POFUT3: variants seen among roughly 807,000 people sequenced by gnomAD.
POFUT3 encodes the protein GDP-fucose protein O-fucosyltransferase 3.
At chr8:33,311,758 A>G in the POFUT3 span, among the ~76,000 whole-genome samples, 4 of 152,112 alleles carry the variant, frequency 2.6e-5, no homozygotes, top group Non-Finnish European at 2.9e-5. Context: ...AGGAAAATTC[A>G]TTCATTCAAG....
the POFUT3 span, among the ~76,000 whole-genome samples, chr8:33,466,253 C>T: frequency 3.3e-5 from 5 of 151,658 alleles, no homozygotes; most frequent in Non-Finnish European, 7.4e-5. Context: ...TCCGTCTCTA[C>T]AAAAAAAATT....
chr8:33,452,017 A>T, the POFUT3 span: 1 of 152,026 alleles, frequency 6.6e-6, no homozygotes, highest in Admixed American at 6.6e-5. Context: ...TCAAGATGAG[A>T]TTTTGGGTGG....
the POFUT3 span, among the ~76,000 whole-genome samples, chr8:33,460,256 A>T: frequency 6.6e-6 from 1 of 151,564 alleles, no homozygotes; most frequent in Non-Finnish European, 1.5e-5. Flanking sequence ...GGAGATGCTG[A>T]GGTAGGAGGA....
chr8:33,425,458 G>A, the POFUT3 span, among the ~76,000 whole-genome samples: 1 of 152,144 alleles, frequency 6.6e-6, no homozygotes, highest in African/African-American at 2.4e-5. Context: ...ATTGAAGGAT[G>A]AGTGGAATAA....
At chr8:33,395,695 G>A in the POFUT3 span, among the ~76,000 whole-genome samples, 1 of 152,068 alleles carries the variant, frequency 6.6e-6, no homozygotes, top group Non-Finnish European at 1.5e-5. Context: ...AGCCATCCAC[G>A]GACGACAAGT....
chr8:33,346,134 T>A, the POFUT3 span, among the ~76,000 whole-genome samples: 1 of 143,952 alleles, frequency 6.9e-6, no homozygotes, highest in Non-Finnish European at 1.5e-5. Flanking sequence ...CCTACATTTT[T>A]AAATTATAGC....
chr8:33,421,161 T>C, the POFUT3 span, among the ~76,000 whole-genome samples: 1 of 152,100 alleles, frequency 6.6e-6, no homozygotes, highest in Non-Finnish European at 1.5e-5. Flanking sequence ...TTTTTTATGA[T>C]GACATATAAT....
the POFUT3 span, among the ~76,000 whole-genome samples, chr8:33,328,883 G>C: frequency 6.6e-6 from 1 of 152,182 alleles, no homozygotes; most frequent in Non-Finnish European, 1.5e-5. Context: ...TCTCTAAAAA[G>C]AGGAGCCTGG....
chr8:33,313,429 A>G, the POFUT3 span, among the ~76,000 whole-genome samples: 1 of 152,040 alleles, frequency 6.6e-6, no homozygotes. Context: ...TAACCCTTCC[A>G]CAATCATAAT....
the POFUT3 span, among the ~76,000 whole-genome samples, chr8:33,367,238 A>G: frequency 3.3e-5 from 5 of 152,324 alleles, no homozygotes; most frequent in East Asian, 7.7e-4. Flanking sequence ...GCTTACCGGA[A>G]TGATGGCAAG....
the POFUT3 span, among the ~76,000 whole-genome samples, chr8:33,319,616 TAA>T: frequency 4.0e-4 from 19 of 47,922 alleles, 5 homozygotes; most frequent in African/African-American, 1.9e-3. Context: ...ATATATTATA[TAA>T]ATATATATAT....
chr8:33,471,809 A>G, the POFUT3 span, among the ~76,000 whole-genome samples: 4 of 152,198 alleles, frequency 2.6e-5, no homozygotes, highest in East Asian at 1.9e-4. Flanking sequence ...ACTGTTACAC[A>G]CTGCCATCTA....
At chr8:33,316,854 T>G in the POFUT3 span, among the ~76,000 whole-genome samples, 1 of 152,136 alleles carries the variant, frequency 6.6e-6, no homozygotes, top group Non-Finnish European at 1.5e-5. Flanking sequence ...CCCATATTTC[T>G]CACCACTTCC....
the POFUT3 span, among the ~76,000 whole-genome samples, chr8:33,422,545 CAAAAAAAAAAAAAAA>C: frequency 5.4e-5 from 2 of 37,130 alleles, no homozygotes; most frequent in African/African-American, 8.0e-5. Flanking sequence ...AACTCTGTCT[CAAAAAAAAAAAAAAA>C]AAAAAAAAAA....
At chr8:33,372,221 G>C in the POFUT3 span, 55 of 1,015,838 alleles carry the variant, frequency 5.4e-5, no homozygotes, top group Non-Finnish European at 5.9e-5. Flanking sequence ...GCTGTTGAGA[G>C]TGAGGTGAGT....
the POFUT3 span, among the ~76,000 whole-genome samples, chr8:33,411,940 T>C: frequency 6.6e-6 from 1 of 152,222 alleles, no homozygotes; most frequent in Non-Finnish European, 1.5e-5. Flanking sequence ...CTCTTCACTG[T>C]ACTTGCCCAG....
chr8:33,427,147 T>C, the POFUT3 span, among the ~76,000 whole-genome samples: 1 of 152,054 alleles, frequency 6.6e-6, no homozygotes, highest in African/African-American at 2.4e-5. Flanking sequence ...AAGCAGAACA[T>C]CTAATACGGA....
chr8:33,462,058 G>C, the POFUT3 span, among the ~76,000 whole-genome samples: 1 of 119,876 alleles, frequency 8.3e-6, no homozygotes, highest in African/African-American at 3.2e-5. Context: ...TACTCAGGAG[G>C]CTGCAGCAGG....
chr8:33,323,293 G>T, the POFUT3 span, among the ~76,000 whole-genome samples: 1 of 152,292 alleles, frequency 6.6e-6, no homozygotes, highest in Admixed American at 6.5e-5. Flanking sequence ...GCAAAATGCT[G>T]TTGGAAACGT....
Sources: allele counts gnomAD v4.1 joint callset (sites outside exome capture counted in the v4.1 genomes callset), GRCh38; gene constraint gnomAD v4.1.1; transcripts MANE v1.5; gene names NCBI Gene and HGNC (gene_info 2026-07-23, HGNC 2026-07-21).